The following RIT2 variants were observed in gnomAD, a reference collection of about 807,000 sequenced individuals.
The protein encoded by RIT2 is GTP-binding protein Rit2.
RIT2 carries 24 observed loss-of-function variants against 23.7 expected under a neutral mutation model. The observed-to-expected ratio is 1.01, with a 90% CI of 0.73 to 1.43. RIT2 has a LOEUF of 1.43. Ranked by LOEUF, RIT2 falls within the 40% of genes most tolerant of loss-of-function variation. The probability of loss-of-function intolerance (pLI) is 0.00; values close to 1 mark genes in which losing one functional copy is unlikely to be tolerated. For missense variants in RIT2, 236 were observed against 266.9 expected, an observed-to-expected ratio of 0.88 and a Z score of 0.81; for synonymous variants, 107 against 91.1, an observed-to-expected ratio of 1.17 and a Z score of -0.99.
At chr18:42,795,728 A>G (rs965994928) in intron 4 of RIT2, among the ~76,000 whole-genome samples, 1 of 152,218 alleles carries the variant, frequency 6.6e-6, no homozygotes, top group Non-Finnish European at 1.5e-5. Flanking sequence ...CTTTATGTCT[A>G]GCTCAGGGAT....
intron 1 of RIT2, among the ~76,000 whole-genome samples, chr18:43,048,575 A>G (rs1912304773): frequency 1.3e-5 from 2 of 152,192 alleles, no homozygotes; most frequent in Non-Finnish European, 2.9e-5. Context: ...ATGAAAAGTA[A>G]GTGAAACAAT....
intron 1 of RIT2, among the ~76,000 whole-genome samples, chr18:43,098,613 G>A (rs1310370347): frequency 1.3e-5 from 2 of 151,902 alleles, no homozygotes; most frequent in African/African-American, 4.8e-5. Flanking sequence ...AATAACAATA[G>A]CAACAATAAC....
chr18:42,949,306 A>G (rs1372608266), intron 3 of RIT2, among the ~76,000 whole-genome samples: 2 of 152,122 alleles, frequency 1.3e-5, no homozygotes, highest in African/African-American at 4.8e-5. Flanking sequence ...GAGGCTTCCT[A>G]AAAGAAATTT....
chr18:42,934,904 T>A (rs1313936689), intron 3 of RIT2, among the ~76,000 whole-genome samples: 1 of 152,152 alleles, frequency 6.6e-6, no homozygotes, highest in Non-Finnish European at 1.5e-5. Context: ...TTATTTGATA[T>A]CTATACTACC....
chr18:43,010,309 T>C (rs929935690), intron 2 of RIT2, among the ~76,000 whole-genome samples: 1 of 151,800 alleles, frequency 6.6e-6, no homozygotes. Flanking sequence ...GGCTTCATAA[T>C]GAAGAAACTG....
At chr18:42,872,196 C>G (rs1907637784) in intron 4 of RIT2, among the ~76,000 whole-genome samples, 1 of 152,186 alleles carries the variant, frequency 6.6e-6, no homozygotes, top group Admixed American at 6.5e-5. Context: ...AGGAAACCCT[C>G]TCAAACTGGC....
At chr18:42,936,074 A>C (rs911512547) in intron 3 of RIT2, among the ~76,000 whole-genome samples, 1 of 151,070 alleles carries the variant, frequency 6.6e-6, no homozygotes, top group African/African-American at 2.4e-5. Context: ...AGAGATAGGG[A>C]TTTTCCTTTC....
intron 4 of RIT2, among the ~76,000 whole-genome samples, chr18:42,778,178 G>A (rs986008989): frequency 1.3e-5 from 2 of 152,122 alleles, no homozygotes; most frequent in Admixed American, 1.3e-4. Context: ...AAGCCCCTTA[G>A]TTAATTAGGT....
At chr18:43,052,026 G>A (rs1281277920) in intron 1 of RIT2, among the ~76,000 whole-genome samples, 1 of 151,970 alleles carries the variant, frequency 6.6e-6, no homozygotes, top group East Asian at 1.9e-4. Context: ...CTCTGCCAAA[G>A]TTTTACAAGA....
intron 1 of RIT2, among the ~76,000 whole-genome samples, chr18:43,037,610 T>C (rs1005503376): frequency 2.5e-4 from 38 of 152,138 alleles, no homozygotes; most frequent in African/African-American, 8.7e-4. Context: ...AAATTGAATA[T>C]AATAAATCTT....
At chr18:42,973,221 T>C (rs991211472) in intron 3 of RIT2, among the ~76,000 whole-genome samples, 1 of 151,752 alleles carries the variant, frequency 6.6e-6, no homozygotes, top group African/African-American at 2.4e-5. Flanking sequence ...TATTTGCCTA[T>C]TTTAGGACAG....
intron 4 of RIT2, among the ~76,000 whole-genome samples, chr18:42,755,105 T>C (rs1913131174): frequency 6.6e-6 from 1 of 152,190 alleles, no homozygotes; most frequent in African/African-American, 2.4e-5. Context: ...GAGTTCCTAG[T>C]ATACTGTGTA....
At chr18:43,102,357 T>A (rs1913704566) in intron 1 of RIT2, among the ~76,000 whole-genome samples, 1 of 152,104 alleles carries the variant, frequency 6.6e-6, no homozygotes, top group African/African-American at 2.4e-5. Context: ...GGGTAAACAA[T>A]GTTCTGAAGT....
chr18:42,946,792 A>C (rs1909737972), intron 3 of RIT2, among the ~76,000 whole-genome samples: 1 of 152,052 alleles, frequency 6.6e-6, no homozygotes, highest in African/African-American at 2.4e-5. Context: ...GATGTAAATG[A>C]ATGTGAAATT....
At chr18:42,927,201 C>T (rs866297228) in intron 3 of RIT2, among the ~76,000 whole-genome samples, 2 of 151,990 alleles carry the variant, frequency 1.3e-5, no homozygotes, top group Middle Eastern at 3.4e-3. Context: ...TTTATGTAAG[C>T]TTAATCAGAA....
intron 2 of RIT2, among the ~76,000 whole-genome samples, chr18:42,979,371 T>C (rs1160278828): frequency 3.3e-5 from 5 of 152,268 alleles, no homozygotes; most frequent in South Asian, 2.1e-4. Flanking sequence ...CTTAAGATGA[T>C]TGAATACTTC....
chr18:42,772,345 G>GT (rs2143916759), intron 4 of RIT2, among the ~76,000 whole-genome samples: 1 of 152,198 alleles, frequency 6.6e-6, no homozygotes, highest in Non-Finnish European at 1.5e-5. Context: ...TTATCTCAAA[G>GT]TAAGTATCTT....
rs568070902 is a variant in RIT2, at chr18:43,008,340, A to T, written c.160+25471T>A. ...TATACATATATTAAGAGAGTGGGGA[A>T]AATAATGGTAAACTATAGTTCTACT... On this transcript the variant is annotated intron_variant, in intron 2 of 4. Transcript: ENST00000326695. Among the ~76,000 whole-genome samples the T allele has an allele frequency of 1.1e-4, 16 of 151,640 alleles. No individual in the cohort carries two copies. The South Asian group carries it at 3.3e-3, about 31-fold the overall frequency.
At chr18:42,843,827 T>C (rs966594395) in intron 4 of RIT2, among the ~76,000 whole-genome samples, 2 of 152,150 alleles carry the variant, frequency 1.3e-5, no homozygotes, top group Non-Finnish European at 2.9e-5. Flanking sequence ...AGAACACAGA[T>C]TGATTTTCCC....
Sources: allele counts gnomAD v4.1 joint callset (sites outside exome capture counted in the v4.1 genomes callset), GRCh38; gene constraint gnomAD v4.1.1; transcripts MANE v1.5; gene names NCBI Gene and HGNC (gene_info 2026-07-23, HGNC 2026-07-21).